Variants in WDR27 observed in about 807,000 individuals in gnomAD.
WDR27 encodes WD repeat domain 27.
In WDR27, 100 loss-of-function variants were observed where a neutral mutation model predicts 114.4. The ratio of observed to expected loss-of-function variants is 0.87; its 90% CI spans 0.74 to 1.03. WDR27 has a LOEUF of 1.03. Among genes scored for constraint, WDR27 ranks in the 50% least tolerant of loss-of-function variants. The pLI, the probability that WDR27 is intolerant of heterozygous loss-of-function variation, is 0.00. For synonymous variants in WDR27, 449 were observed against 423.1 expected (o/e 1.06, Z -0.75); for missense variants, 1,129 against 1,092.9 (o/e 1.03, Z -0.47).
At chr6:169,510,949 G>A (rs1792760210) in intron 25 of WDR27, among the ~76,000 whole-genome samples, 1 of 152,080 alleles carries the variant, frequency 6.6e-6, no homozygotes, top group South Asian at 2.1e-4. Flanking sequence ...CTTTTCCTGA[G>A]GTAAACTAAT....
chr6:169,691,729 TG>T (rs1301433612), intron 1 of WDR27, among the ~76,000 whole-genome samples: 2 of 152,240 alleles, frequency 1.3e-5, no homozygotes, highest in Non-Finnish European at 2.9e-5. Flanking sequence ...TAATAGTACT[TG>T]TATGCCAATT....
intron 2 of WDR27, among the ~76,000 whole-genome samples, chr6:169,672,996 T>C (rs1779148553): frequency 6.6e-6 from 1 of 152,130 alleles, no homozygotes; most frequent in Non-Finnish European, 1.5e-5. Flanking sequence ...GTTGGGGGTA[T>C]ACTGGGCTGG....
chr6:169,631,918 G>A (rs1562753507), intron 21 of WDR27, among the ~76,000 whole-genome samples: 1 of 152,122 alleles, frequency 6.6e-6, no homozygotes, highest in Non-Finnish European at 1.5e-5. Context: ...CAGGCACGGT[G>A]GCTCACACCT....
At chr6:169,670,949 C>A in intron 3 of WDR27, 1 of 441,108 alleles carries the variant, frequency 2.3e-6, no homozygotes, top group East Asian at 4.3e-5. Flanking sequence ...TCTCTGGAGG[C>A]TGCAGTACCT....
rs190192063 is a variant in WDR27, at chr6:169,468,893, T to A, written c.2646-11259A>T. Among the ~76,000 whole-genome samples, 14 of 152,306 alleles carry A rather than the reference T, an allele frequency of 9.2e-5. No individual in the cohort carries two copies. The East Asian group carries it at 2.5e-3, about 27-fold the overall frequency. On this transcript the variant is annotated intron_variant, in intron 25 of 25. Transcript: ENST00000448612. ...GCTCTCTTCCTGGCTTGCGGAAGGA[T>A]ACCTTCTGACTTTGTGTTCACATGG...
intron 25 of WDR27, among the ~76,000 whole-genome samples, chr6:169,529,121 C>T (rs1320467167): frequency 6.6e-6 from 1 of 152,052 alleles, no homozygotes; most frequent in East Asian, 1.9e-4. Flanking sequence ...TTATGGTGCA[C>T]CCACATAAAA....
At chr6:169,530,668 C>T (rs1040120893) in intron 25 of WDR27, among the ~76,000 whole-genome samples, 12 of 152,292 alleles carry the variant, frequency 7.9e-5, no homozygotes, top group African/African-American at 1.4e-4. Context: ...GCTGGTATAA[C>T]GCAGCACCGC....
At chr6:169,610,394 T>C (rs1810243517) in intron 22 of WDR27, among the ~76,000 whole-genome samples, 1 of 152,110 alleles carries the variant, frequency 6.6e-6, no homozygotes, top group South Asian at 2.1e-4. Flanking sequence ...CTCACAATCA[T>C]GGTGGAAGGC....
At chr6:169,614,593 C>T (rs1474243649) in intron 21 of WDR27, among the ~76,000 whole-genome samples, 3 of 151,354 alleles carry the variant, frequency 2.0e-5, no homozygotes, top group African/African-American at 7.3e-5. Flanking sequence ...GAGACTGAGG[C>T]AGGAGAATCG....
chr6:169,629,212 G>C (rs75168279), intron 21 of WDR27, among the ~76,000 whole-genome samples: 4,817 of 152,170 alleles, frequency 0.032, 111 homozygotes, highest in Non-Finnish European at 0.053. Flanking sequence ...CTTAAACCTT[G>C]CATGTTATTT....
chr6:169,501,659 C>T (rs369274237), intron 25 of WDR27, among the ~76,000 whole-genome samples: 10 of 152,288 alleles, frequency 6.6e-5, no homozygotes, highest in Non-Finnish European at 1.0e-4. Flanking sequence ...TGTTCTCATT[C>T]GGTGAATCTG....
At chr6:169,592,441 T>C (rs1805933623) in intron 23 of WDR27, among the ~76,000 whole-genome samples, 1 of 152,214 alleles carries the variant, frequency 6.6e-6, no homozygotes, top group African/African-American at 2.4e-5. Flanking sequence ...TTTATCCTTT[T>C]TGAGGCTATT....
chr6:169,528,393 G>A (rs554877682), intron 25 of WDR27, among the ~76,000 whole-genome samples: 7 of 152,258 alleles, frequency 4.6e-5, no homozygotes, highest in South Asian at 4.1e-4. Flanking sequence ...ATCCAGAGAA[G>A]TCCCTACTTT....
In WDR27 at chr6:169,636,387, T is replaced by C. The variant is rs1466780949; in HGVS notation, c.1987A>G (p.Lys663Glu). Reference protein sequence around the residue: ...QLLRYHIDTCKDEIKRYKQKS... With the variant: ...QLLRYHIDTCEDEIKRYKQKS... ...GGTGCCTACCTCTTAATCTCATCTTTGCAAGTGTCAATGTGATACCTCAGT... is the reference window on the plus strand; with the variant it reads ...GGTGCCTACCTCTTAATCTCATCTTCGCAAGTGTCAATGTGATACCTCAGT... Residue 663 changes from lysine to glutamate, a missense_variant, in exon 19 of 26, where the codon AAA becomes GAA. Physicochemically the swap from Lys to Glu is moderately conservative, Grantham distance 56. Transcript: ENST00000448612. The C allele has an allele frequency of 6.2e-7, 1 of 1,613,784 alleles. No individual in the cohort carries two copies. Among genetic ancestry groups the C allele is most frequent in the African/African-American group, 1.3e-5 (1 of 74,918 alleles).
rs180785216 is a variant in WDR27, at chr6:169,668,055, G to A, written c.587C>T (p.Pro196Leu). ...VRAELQGHLG[P>L]VTAVEFCPWR... Reference sequence around the variant, plus strand: ...GGGACAGAACTCCACCGCAGTCACCGGGCCCAGGTGGCCCTGCAGCTCGGC... The same window carrying A: ...GGGACAGAACTCCACCGCAGTCACCAGGCCCAGGTGGCCCTGCAGCTCGGC... Residue 196 changes from proline (P) to leucine (L), a missense_variant, in exon 5 of 26, where the codon CCG becomes CTG. Transcript: ENST00000448612. The A allele has an allele frequency of 2.5e-4, 408 of 1,614,000 alleles. 2 individuals are homozygous for A. The highest frequency in any genetic ancestry group is 1.8e-4 in the South Asian group (16 of 91,086).
chr6:169,431,132 C>A, the WDR27 span, among the ~76,000 whole-genome samples: 1 of 152,180 alleles, frequency 6.6e-6, no homozygotes, highest in Admixed American at 6.5e-5. Flanking sequence ...GGCTTGCCAG[C>A]TCCCAAAGCC....
chr6:169,673,685 T>C (rs1248119513), intron 2 of WDR27, among the ~76,000 whole-genome samples: 1 of 151,994 alleles, frequency 6.6e-6, no homozygotes, highest in Non-Finnish European at 1.5e-5. Flanking sequence ...GGCACAAAAA[T>C]GGTGTAATTA....
chr6:169,506,538 T>C (rs924728157), intron 25 of WDR27, among the ~76,000 whole-genome samples: 1 of 152,134 alleles, frequency 6.6e-6, no homozygotes, highest in Non-Finnish European at 1.5e-5. Flanking sequence ...GCAAGTTTGA[T>C]TGAGTAAGGA....
chr6:169,692,350 T>A (rs751533306), intron 1 of WDR27, among the ~76,000 whole-genome samples: 35 of 152,186 alleles, frequency 2.3e-4, no homozygotes, highest in Non-Finnish European at 4.3e-4. Context: ...TAATTTAGAC[T>A]GGGCATGAAC....
Sources: gnomAD v4.1 joint callset for allele counts (sites outside exome capture counted in the v4.1 genomes callset) on GRCh38, gnomAD v4.1.1 for gene constraint, MANE v1.5 for transcripts, NCBI Gene and HGNC (gene_info 2026-07-23, HGNC 2026-07-21) for gene names.